PRKG1: variants seen among roughly 807,000 people sequenced by gnomAD.
PRKG1 encodes cGMP-dependent protein kinase 1.
Under a neutral mutation model 88.1 loss-of-function variants are expected in PRKG1, and 35 were observed. The ratio of observed to expected loss-of-function variants is 0.40; its 90% CI spans 0.30 to 0.53. The LOEUF (loss-of-function observed/expected upper bound fraction) is 0.53. PRKG1 is among the 20% of genes least tolerant of loss of function. The pLI, the probability that PRKG1 is intolerant of heterozygous loss-of-function variation, is 0.59. For missense variants in PRKG1, 540 were observed against 839.8 expected (o/e 0.64, Z 4.41); for synonymous variants, 303 against 292.5 (o/e 1.04, Z -0.37).
chr10:51,264,878 A>G (rs750243825), intron 2 of PRKG1, among the ~76,000 whole-genome samples: 5 of 152,314 alleles, frequency 3.3e-5, no homozygotes, highest in Middle Eastern at 3.4e-3. Context: ...AGTTGTAAGT[A>G]TGTCTTAAAA....
intron 9 of PRKG1, among the ~76,000 whole-genome samples, chr10:52,211,357 C>A (rs1368841194): frequency 6.6e-6 from 1 of 152,096 alleles, no homozygotes; most frequent in East Asian, 1.9e-4. Flanking sequence ...TTTTTCGCAA[C>A]TAATTATTTA....
chr10:51,119,689 T>C (rs1383936266), intron 1 of PRKG1, among the ~76,000 whole-genome samples: 2 of 152,110 alleles, frequency 1.3e-5, no homozygotes, highest in Non-Finnish European at 2.9e-5. Flanking sequence ...ATGACAATTT[T>C]AACTTTACCA....
intron 2 of PRKG1, among the ~76,000 whole-genome samples, chr10:51,286,537 G>T (rs1840445824): frequency 6.6e-6 from 1 of 151,804 alleles, no homozygotes; most frequent in African/African-American, 2.4e-5. Flanking sequence ...TCTCTTAGCT[G>T]TATGTTCACT....
intron 3 of PRKG1, among the ~76,000 whole-genome samples, chr10:51,505,793 A>G (rs1486778958): frequency 1.3e-5 from 2 of 152,036 alleles, no homozygotes; most frequent in Admixed American, 6.6e-5. Flanking sequence ...GGTAGTTTGT[A>G]TTTCTGTGGG....
chr10:51,929,880 C>A (rs145174962), intron 5 of PRKG1, among the ~76,000 whole-genome samples: 186 of 152,234 alleles, frequency 1.2e-3, no homozygotes, highest in African/African-American at 4.1e-3. Context: ...CACAGAACAC[C>A]ATGAAACGTA....
At chr10:51,317,675 A>C (rs1283297937) in intron 2 of PRKG1, among the ~76,000 whole-genome samples, 1 of 152,168 alleles carries the variant, frequency 6.6e-6, no homozygotes, top group African/African-American at 2.4e-5. Flanking sequence ...TGGGAAACTC[A>C]TAGAGAAAGT....
At chr10:51,352,478 G>A (rs904929185) in intron 2 of PRKG1, among the ~76,000 whole-genome samples, 3 of 152,004 alleles carry the variant, frequency 2.0e-5, no homozygotes, top group African/African-American at 4.8e-5. Context: ...AATTTTAAAA[G>A]TATTCTCAGT....
chr10:52,118,715 C>G (rs1162962323), intron 7 of PRKG1, among the ~76,000 whole-genome samples: 11 of 151,918 alleles, frequency 7.2e-5, no homozygotes, highest in Admixed American at 1.3e-4. Flanking sequence ...GTTGTTTCCT[C>G]TGCTTTTGAG....
intron 2 of PRKG1, among the ~76,000 whole-genome samples, chr10:51,304,452 A>C (rs1840979261): frequency 6.6e-6 from 1 of 152,030 alleles, no homozygotes; most frequent in African/African-American, 2.4e-5. Context: ...TTCTGATAAG[A>C]CCCAGAGACA....
intron 3 of PRKG1, chr10:51,697,959 C>A (rs775871966): frequency 3.1e-6 from 5 of 1,599,888 alleles, no homozygotes; most frequent in Admixed American, 1.8e-5. Flanking sequence ...TGTATGCCTG[C>A]CCCCTGCATC....
intron 3 of PRKG1, among the ~76,000 whole-genome samples, chr10:51,480,270 A>G (rs1015747095): frequency 6.6e-6 from 1 of 152,162 alleles, no homozygotes; most frequent in African/African-American, 2.4e-5. Context: ...TCGTAAACTG[A>G]CACTCACAGT....
At chr10:51,138,717 TCTGTCACCAGG>T (rs1477065015) in intron 1 of PRKG1, among the ~76,000 whole-genome samples, 1 of 132,768 alleles carries the variant, frequency 7.5e-6, no homozygotes, top group Non-Finnish European at 1.6e-5. Flanking sequence ...AGAGTCTTAC[TCTGTCACCAGG>T]CTGGAGTACA....
chr10:51,359,610 A>C (rs1170382545), intron 2 of PRKG1, among the ~76,000 whole-genome samples: 1 of 151,924 alleles, frequency 6.6e-6, no homozygotes, highest in Non-Finnish European at 1.5e-5. Context: ...CATCTTTACC[A>C]GTAAAAAAAA....
intron 9 of PRKG1, among the ~76,000 whole-genome samples, chr10:52,204,155 C>T (rs915181105): frequency 1.3e-5 from 2 of 151,766 alleles, no homozygotes; most frequent in African/African-American, 4.8e-5. Flanking sequence ...GGCTGGAGTG[C>T]AGTGGCATAA....
intron 3 of PRKG1, among the ~76,000 whole-genome samples, chr10:51,582,217 T>G (rs561282563): frequency 6.6e-6 from 1 of 152,218 alleles, no homozygotes; most frequent in African/African-American, 2.4e-5. Flanking sequence ...TAATATTCTC[T>G]TCTCTGAGAA....
chr10:51,135,679 G>A (rs1386825532), intron 1 of PRKG1, among the ~76,000 whole-genome samples: 1 of 152,052 alleles, frequency 6.6e-6, no homozygotes, highest in African/African-American at 2.4e-5. Flanking sequence ...ATTAACCATG[G>A]TTAATAACAA....
At chr10:51,717,506 C>A (rs1043997303) in intron 3 of PRKG1, among the ~76,000 whole-genome samples, 2 of 152,086 alleles carry the variant, frequency 1.3e-5, no homozygotes, top group Admixed American at 6.5e-5. Flanking sequence ...AATTTATGAT[C>A]CTCAAGTAAG....
At chr10:51,693,030 T>C (rs966191165) in intron 3 of PRKG1, among the ~76,000 whole-genome samples, 2 of 152,088 alleles carry the variant, frequency 1.3e-5, no homozygotes, top group Non-Finnish European at 2.9e-5. Context: ...CTCACACCTC[T>C]AATCCCAGCA....
Position 51,230,193 on chromosome 10 carries a change from T to C in PRKG1, c.478+76863T>C, listed in dbSNP as rs144306072. Among the ~76,000 whole-genome samples, 506 of 152,218 alleles carry C rather than the reference T, an allele frequency of 3.3e-3. 7 individuals carry two copies. Among genetic ancestry groups the C allele is most frequent in the Admixed American group, 0.026 (390 of 15,286 alleles). On this transcript the variant is annotated intron_variant, in intron 2 of 17. Transcript: ENST00000373980. The stretch of plus-strand genomic sequence containing the variant: ...TAAAAATGAATTAGTTGTGGGAAAT[T>C]AGATATGGGAACATGAATTCGATAT...
Sources: allele counts gnomAD v4.1 joint callset (sites outside exome capture counted in the v4.1 genomes callset), GRCh38; gene constraint gnomAD v4.1.1; transcripts MANE v1.5; gene names NCBI Gene and HGNC (gene_info 2026-07-23, HGNC 2026-07-21).